The following ELP4 variants were observed in gnomAD, a reference collection of about 807,000 sequenced individuals.
The protein encoded by ELP4 is elongator acetyltransferase complex subunit 4, also known as elongator complex protein 4.
In ELP4, 51 loss-of-function variants were observed where a neutral mutation model predicts 48.9. That is an observed-to-expected ratio of 1.04 (90% CI 0.83 to 1.32). ELP4 has a LOEUF of 1.32. Among genes scored for constraint, ELP4 ranks in the 40% most tolerant of loss-of-function variants. The pLI is 0.00. For synonymous variants in ELP4, 210 were observed against 189.2 expected (o/e 1.11, Z -0.90); for missense variants, 519 against 514.6 (o/e 1.01, Z -0.08).
At chr11:31,695,995 T>C (rs1161455090) in intron 9 of ELP4, among the ~76,000 whole-genome samples, 1 of 152,104 alleles carries the variant, frequency 6.6e-6, no homozygotes, top group African/African-American at 2.4e-5. Context: ...TTTGTATTTC[T>C]GTGGCATTCG....
chr11:31,735,424 A>G (rs911559178), intron 9 of ELP4, among the ~76,000 whole-genome samples: 1 of 152,206 alleles, frequency 6.6e-6, no homozygotes, highest in African/African-American at 2.4e-5. Flanking sequence ...CAAGACAGGG[A>G]TGCCCTCTCT....
chr11:31,518,989 A>G (rs1464365099), intron 1 of ELP4, among the ~76,000 whole-genome samples: 1 of 148,092 alleles, frequency 6.8e-6, no homozygotes, highest in Non-Finnish European at 1.5e-5. Context: ...TTTTTTTTGT[A>G]TTTTTAGTAC....
At chr11:31,628,112 CT>C (rs1944785264) in intron 6 of ELP4, 1 of 151,902 alleles carries the variant, frequency 6.6e-6, no homozygotes, top group Admixed American at 6.6e-5. Flanking sequence ...TTATAGGTGA[CT>C]TTTCATGTAT....
chr11:31,664,508 C>G (rs1592203370), intron 9 of ELP4: 2 of 152,064 alleles, frequency 1.3e-5, no homozygotes, highest in East Asian at 3.9e-4. Flanking sequence ...ATGTATTTTA[C>G]AATTTATAAA....
At chr11:31,544,308 T>G (rs1956651847) in intron 3 of ELP4, among the ~76,000 whole-genome samples, 2 of 152,186 alleles carry the variant, frequency 1.3e-5, no homozygotes, top group Non-Finnish European at 2.9e-5. Flanking sequence ...AATACTGCAC[T>G]TTTCAGATGG....
chr11:31,652,371 A>G (rs1945339137), intron 9 of ELP4: 1 of 151,762 alleles, frequency 6.6e-6, no homozygotes, highest in African/African-American at 2.4e-5. Context: ...AGAATAGAAT[A>G]AAATCATGTG....
chr11:31,521,217 ATAT>A (rs372056583), intron 2 of ELP4, among the ~76,000 whole-genome samples: 25 of 152,110 alleles, frequency 1.6e-4, no homozygotes, highest in African/African-American at 5.5e-4. Context: ...AAGAGTAATA[ATAT>A]TAGTAGTGAG....
intron 5 of ELP4, among the ~76,000 whole-genome samples, chr11:31,606,320 TG>T (rs1334365881): frequency 1.3e-5 from 2 of 152,142 alleles, no homozygotes; most frequent in Non-Finnish European, 2.9e-5. Context: ...TGAACTTTAC[TG>T]GTTCATTTAT....
chr11:31,549,268 A>C (rs536834003), intron 3 of ELP4, among the ~76,000 whole-genome samples: 1 of 151,900 alleles, frequency 6.6e-6, no homozygotes, highest in Non-Finnish European at 1.5e-5. Flanking sequence ...AGAATCTACA[A>C]TGAACTCAAA....
chr11:31,669,092 T>C (rs1945748829), intron 9 of ELP4, among the ~76,000 whole-genome samples: 1 of 73,926 alleles, frequency 1.4e-5, no homozygotes, highest in Non-Finnish European at 3.7e-5. Context: ...TTTTATTTTA[T>C]TTTATTTTTA....
intron 9 of ELP4, among the ~76,000 whole-genome samples, chr11:31,694,044 T>C (rs1248405159): frequency 6.6e-6 from 1 of 152,230 alleles, no homozygotes; most frequent in East Asian, 1.9e-4. Context: ...TTGAGTTCTT[T>C]GTAGATTCTG....
intron 9 of ELP4, among the ~76,000 whole-genome samples, chr11:31,783,091 A>G (rs904289859): frequency 6.6e-6 from 1 of 152,330 alleles, no homozygotes; most frequent in African/African-American, 2.4e-5. Context: ...ATGTGTTTAC[A>G]TGTGTTCACT....
chr11:31,572,614 GTCTA>G (rs1302067861), intron 3 of ELP4, among the ~76,000 whole-genome samples: 2 of 152,228 alleles, frequency 1.3e-5, no homozygotes, highest in East Asian at 1.9e-4. Flanking sequence ...CTATCTATCT[GTCTA>G]TCTAAGATGT....
intron 9 of ELP4, chr11:31,715,044 T>A: frequency 2.7e-6 from 1 of 370,548 alleles, no homozygotes; most frequent in Non-Finnish European, 4.8e-6. Context: ...TCATTTTTAC[T>A]CATCAGTAAC....
chr11:31,676,367 A>G (rs1468128639), intron 9 of ELP4, among the ~76,000 whole-genome samples: 1 of 152,124 alleles, frequency 6.6e-6, no homozygotes, highest in African/African-American at 2.4e-5. Context: ...AATCTGCTTC[A>G]TGTTTTCCCA....
intron 4 of ELP4, among the ~76,000 whole-genome samples, chr11:31,597,992 G>A (rs1453509046): frequency 3.0e-4 from 29 of 95,432 alleles, no homozygotes; most frequent in African/African-American, 1.1e-3. Context: ...GTCTTGCTCT[G>A]TCACCCAGGC....
At chr11:31,749,648 G>A (rs1947674100) in intron 9 of ELP4, among the ~76,000 whole-genome samples, 1 of 151,780 alleles carries the variant, frequency 6.6e-6, no homozygotes, top group South Asian at 2.1e-4. Context: ...AAGTCTCTGT[G>A]GAGTATAGGT....
chr11:31,527,651 A>C (rs960786495), intron 2 of ELP4, among the ~76,000 whole-genome samples: 4 of 152,050 alleles, frequency 2.6e-5, no homozygotes, highest in African/African-American at 9.7e-5. Flanking sequence ...CTTTGCTGCC[A>C]CTACCCCAAT....
At chr11:31,553,725 A>AACAC (rs56921821) in intron 3 of ELP4, among the ~76,000 whole-genome samples, 5,571 of 140,436 alleles carry the variant, frequency 0.04, 156 homozygotes, top group African/African-American at 0.078. Context: ...TGCACACACA[A>AACAC]ACACACACAC....
Sources: gnomAD v4.1 joint callset for allele counts (sites outside exome capture counted in the v4.1 genomes callset) on GRCh38, gnomAD v4.1.1 for gene constraint, MANE v1.5 for transcripts, NCBI Gene and HGNC (gene_info 2026-07-23, HGNC 2026-07-21) for gene names.